The following CPE variants were observed in gnomAD, a reference collection of about 807,000 sequenced individuals.
The protein encoded by CPE is carboxypeptidase E, also known as carbocypeptidase E.
In CPE, 17 loss-of-function variants were observed where a neutral mutation model predicts 53.5. The observed-to-expected ratio is 0.32, with a 90% confidence interval of 0.22 to 0.48. The LOEUF (loss-of-function observed/expected upper bound fraction) is 0.48, where lower values mean the gene tolerates loss of function less well. Among genes scored for constraint, CPE ranks in the 20% least tolerant of loss-of-function variants. CPE has a pLI of 0.99. For synonymous variants in CPE, 226 were observed against 228.8 expected, an observed-to-expected ratio of 0.99 and a Z score of 0.11; for missense variants, 524 against 614.7, an observed-to-expected ratio of 0.85 and a Z score of 1.56.
intron 1 of CPE, among the ~76,000 whole-genome samples, chr4:165,390,207 A>G (rs1730658049): frequency 6.6e-6 from 1 of 152,202 alleles, no homozygotes; most frequent in African/African-American, 2.4e-5. Flanking sequence ...CTTGGCATGT[A>G]TATTTTGTCA....
intron 1 of CPE, among the ~76,000 whole-genome samples, chr4:165,396,532 G>A (rs1211849425): frequency 6.6e-6 from 1 of 151,940 alleles, no homozygotes; most frequent in East Asian, 1.9e-4. Context: ...TTAGCAGGGT[G>A]TGGTGGCATA....
intron 1 of CPE, among the ~76,000 whole-genome samples, chr4:165,448,259 C>A (rs1441770284): frequency 1.3e-5 from 2 of 152,164 alleles, no homozygotes; most frequent in Non-Finnish European, 2.9e-5. Flanking sequence ...GAATGCATTA[C>A]TTTTCATATT....
chr4:165,431,443 A>T (rs1330032265), intron 1 of CPE, among the ~76,000 whole-genome samples: 1 of 152,196 alleles, frequency 6.6e-6, no homozygotes, highest in Non-Finnish European at 1.5e-5. Context: ...TTTAGGGCAC[A>T]AACTATGTTT....
intron 1 of CPE, among the ~76,000 whole-genome samples, chr4:165,450,994 A>G (rs942579467): frequency 6.6e-6 from 1 of 152,148 alleles, no homozygotes; most frequent in Non-Finnish European, 1.5e-5. Context: ...TCTCCACTCA[A>G]AGAGTGGTTC....
intron 1 of CPE, among the ~76,000 whole-genome samples, chr4:165,389,616 T>A (rs1730648659): frequency 6.6e-6 from 1 of 152,224 alleles, no homozygotes; most frequent in African/African-American, 2.4e-5. Flanking sequence ...AGAACAGTCC[T>A]TGAGAACTAA....
intron 3 of CPE, among the ~76,000 whole-genome samples, chr4:165,472,160 T>C (rs1732218133): frequency 6.6e-6 from 1 of 152,234 alleles, no homozygotes; most frequent in Non-Finnish European, 1.5e-5. Context: ...ATTTTAGTCT[T>C]CTTTTAGTTC....
chr4:165,444,158 C>A (rs1449407684), intron 1 of CPE, among the ~76,000 whole-genome samples: 1 of 152,104 alleles, frequency 6.6e-6, no homozygotes, highest in South Asian at 2.1e-4. Context: ...GCCCGTAACA[C>A]CTATAAAGTC....
chr4:165,487,242 G>T (rs1732519887), intron 5 of CPE, among the ~76,000 whole-genome samples, 196 bp from the exon 6 acceptor site: 1 of 152,154 alleles, frequency 6.6e-6, no homozygotes, highest in Non-Finnish European at 1.5e-5. Flanking sequence ...GAGAGTTTGT[G>T]CTTTTAAGGT....
In CPE at chr4:165,455,219, G is replaced by C. The variant is rs571351939; in HGVS notation, c.308-9171G>C. 5.3e-5 allele frequency among the ~76,000 whole-genome samples: 8 copies of C among 152,312 alleles called. No homozygotes were observed. The South Asian group carries it at 1.7e-3, about 32-fold the overall frequency. ...TTGATTCACTCGAATCATAGTTGCTGCCACAAGTCAGGTGCATTCCTATTT... is the reference window on the plus strand; with the variant it reads ...TTGATTCACTCGAATCATAGTTGCTCCCACAAGTCAGGTGCATTCCTATTT... On this transcript the variant is annotated intron_variant, in intron 1 of 8. Transcript: ENST00000402744.
At chr4:165,455,430 C>A (rs2126694641) in intron 1 of CPE, among the ~76,000 whole-genome samples, 1 of 152,298 alleles carries the variant, frequency 6.6e-6, no homozygotes, top group South Asian at 2.1e-4. Context: ...GGTCCAAAAA[C>A]CCTCTTCAGT....
Position 165,379,133 on chromosome 4 carries a change from A to G in CPE, c.-89A>G. 1 of 1,132,240 alleles carries G rather than the reference A, an allele frequency of 8.8e-7. No individual in the cohort carries two copies. Among genetic ancestry groups the G allele is most frequent in the East Asian group, 3.6e-5 (1 of 27,920 alleles). 70.1% of individuals were successfully genotyped at this position (1,132,240 alleles called of 1,614,324 possible). A position where few individuals can be genotyped will look rare whatever the true frequency, so the allele number is the denominator to read the frequency against. Reference sequence around the variant, plus strand: ...GGCTGGTGCGGAACTTGCCGCCCCCAGCAGCGCCGGCGGGCTAAGCCCAGG... The same window carrying G: ...GGCTGGTGCGGAACTTGCCGCCCCCGGCAGCGCCGGCGGGCTAAGCCCAGG... On this transcript the variant is annotated 5_prime_UTR_variant, in exon 1 of 9. Transcript: ENST00000402744. This position sits in a 1 kb window ranked among gnomAD's most constrained non-coding sequence, Gnocchi z 6.0.
chr4:165,398,660 G>A (rs1445861902), intron 1 of CPE, among the ~76,000 whole-genome samples: 1 of 152,216 alleles, frequency 6.6e-6, no homozygotes. Context: ...TTTAAGGTGG[G>A]TGGCTCACTT....
intron 1 of CPE, among the ~76,000 whole-genome samples, chr4:165,385,231 C>G (rs182240781): frequency 1.8e-4 from 28 of 152,104 alleles, no homozygotes; most frequent in Non-Finnish European, 2.5e-4. Flanking sequence ...TGTAAATATT[C>G]TTTTTTTACT....
chr4:165,381,416 C>A, intron 1 of CPE: 3 of 431,782 alleles, frequency 6.9e-6, no homozygotes, highest in Non-Finnish European at 1.4e-5. Context: ...AAAAATGAAT[C>A]CATCAATAGC....
chr4:165,478,914 G>A (rs1362931096), intron 3 of CPE, among the ~76,000 whole-genome samples: 5 of 151,852 alleles, frequency 3.3e-5, no homozygotes, highest in Admixed American at 1.3e-4. Context: ...ACCCCAATTC[G>A]TCCCTGGACT....
At chr4:165,424,795 A>G (rs1731289269) in intron 1 of CPE, among the ~76,000 whole-genome samples, 1 of 151,916 alleles carries the variant, frequency 6.6e-6, no homozygotes, top group Non-Finnish European at 1.5e-5. Flanking sequence ...CGGCCTCCCA[A>G]AGTTCTGGGA....
chr4:165,379,234 G>A lies in CPE; in HGVS notation c.13G>A (p.Gly5Arg), dbSNP rs538449558. Reference sequence around the variant, plus strand: ...GCGGAGCGCAGCGATGGCCGGGCGAGGGGGCAGCGCGCTGCTGGCTCTGTG... The same window carrying A: ...GCGGAGCGCAGCGATGGCCGGGCGAAGGGGCAGCGCGCTGCTGGCTCTGTG... MAGR[G>R]GSALLALCGA... is the part of the protein sequence containing the mutation. The change falls in exon 1 of 9, where the codon GGG becomes AGG. Residue 5 changes from glycine to arginine, a missense_variant. Coordinates refer to ENST00000402744, the MANE Select transcript of CPE (RefSeq NM_001873.4). This position sits in a 1 kb window ranked among gnomAD's most constrained non-coding sequence, Gnocchi z 6.0. 3.2e-6 allele frequency: 4 copies of A among 1,240,314 alleles called. No individual in the cohort carries two copies. In the South Asian group the frequency reaches 1.5e-4, roughly 48 times the overall value. 76.8% of individuals were successfully genotyped at this position (1,240,314 alleles called of 1,614,324 possible).
intron 3 of CPE, among the ~76,000 whole-genome samples, chr4:165,480,431 A>G (rs1425894134): frequency 6.6e-6 from 1 of 152,212 alleles, no homozygotes; most frequent in African/African-American, 2.4e-5. Flanking sequence ...AGGTGTTCAT[A>G]GTATTTTTAA....
At chr4:165,435,706 G>A (rs1044893594) in intron 1 of CPE, among the ~76,000 whole-genome samples, 52 of 145,952 alleles carry the variant, frequency 3.6e-4, no homozygotes, top group African/African-American at 1.2e-3. Context: ...AATAATACGT[G>A]TGCTGACATT....
Sources: gnomAD v4.1 joint callset for allele counts (sites outside exome capture counted in the v4.1 genomes callset) on GRCh38, gnomAD v4.1.1 for gene constraint, Gnocchi (gnomAD v3.1) non-coding constraint, MANE v1.5 for transcripts, NCBI Gene and HGNC (gene_info 2026-07-23, HGNC 2026-07-21) for gene names.